The following PRSS23 variants were observed in gnomAD, a reference collection of about 807,000 sequenced individuals.
The protein encoded by PRSS23 is serine protease 23.
A neutral mutation model predicts 34.7 loss-of-function variants in PRSS23; 25 were observed. The observed-to-expected ratio is 0.72, with a 90% CI of 0.53 to 1.01. The LOEUF is 1.01. Among genes scored for constraint, PRSS23 ranks in the 50% least tolerant of loss-of-function variants. The pLI, the probability that PRSS23 is intolerant of heterozygous loss-of-function variation, is 0.00. For synonymous variants in PRSS23, 176 were observed against 186.6 expected (o/e 0.94, Z 0.46); for missense variants, 445 against 475.6 (o/e 0.94, Z 0.60).
At chr11:86,854,768 G>T (rs1394996235) in intron 2 of PRSS23, among the ~76,000 whole-genome samples, 1 of 152,212 alleles carries the variant, frequency 6.6e-6, no homozygotes, top group Non-Finnish European at 1.5e-5. Flanking sequence ...TGAAAAGTAT[G>T]CTTTTCCACC....
chr11:86,870,893 T>C (rs1244330434), intron 2 of PRSS23, among the ~76,000 whole-genome samples: 3 of 152,246 alleles, frequency 2.0e-5, no homozygotes, highest in East Asian at 3.8e-4. Flanking sequence ...TCTGCAATCA[T>C]TCTGTCCACC....
At chr11:86,844,711 G>A (rs1400343331) in intron 2 of PRSS23, among the ~76,000 whole-genome samples, 1 of 152,184 alleles carries the variant, frequency 6.6e-6, no homozygotes, top group Non-Finnish European at 1.5e-5. Flanking sequence ...CCCACGTCAT[G>A]ACATAGAAAC....
At chr11:86,813,515 A>G (rs1047705688), downstream of PRSS23, among the ~76,000 whole-genome samples, 4 of 152,210 alleles carry the variant, frequency 2.6e-5, no homozygotes, top group African/African-American at 9.7e-5. Context: ...GACTTTAAGT[A>G]GGAGCCCTGG....
At chr11:86,870,631 A>G (rs1948678771) in intron 2 of PRSS23, among the ~76,000 whole-genome samples, 1 of 152,182 alleles carries the variant, frequency 6.6e-6, no homozygotes, top group African/African-American at 2.4e-5. Flanking sequence ...CCAATTACAT[A>G]TACCTTATAT....
chr11:86,808,255 A>G lies in PRSS23; in HGVS notation c.612A>G (p.Arg204=). Residue 204 remains arginine, a synonymous_variant, in exon 2 of 2, where the codon CGA becomes CGG. Transcript: ENST00000280258. Reference sequence around the variant, plus strand: ...AGCCCAAGTTTAAAGATGGTGGTCGAGGGGCCAACGACTCCACTTCAGCCA... The same window carrying G: ...AGCCCAAGTTTAAAGATGGTGGTCGGGGGGCCAACGACTCCACTTCAGCCA... The part of the protein sequence containing the change: ...FLKPKFKDGG[R]GANDSTSAMP... 6.2e-7 allele frequency: 1 copy of G among 1,614,042 alleles called. No homozygotes were observed. Among genetic ancestry groups the G allele is most frequent in the Non-Finnish European group, 8.5e-7 (1 of 1,180,018 alleles).
chr11:86,948,993 G>T (rs1174218425), intron 2 of PRSS23: 1 of 152,624 alleles, frequency 6.6e-6, no homozygotes, highest in African/African-American at 2.4e-5. Context: ...TATGGGAACT[G>T]TCTACAAGCA....
intron 2 of PRSS23, among the ~76,000 whole-genome samples, chr11:86,939,432 T>TTTTTAA (rs1555084024): frequency 4.5e-5 from 5 of 111,616 alleles, no homozygotes; most frequent in South Asian, 2.5e-4. Context: ...ATATATTTTT[T>TTTTTAA]AACATGAGTA....
In PRSS23 at chr11:86,866,506, T is replaced by C. The variant is rs374077198; in HGVS notation, c.206+42913T>C. 3.9e-4 allele frequency among the ~76,000 whole-genome samples: 59 copies of C among 152,354 alleles called. No homozygotes were observed. The East Asian group carries it at 8.9e-3, about 23-fold the overall frequency. On this transcript the variant is annotated intron_variant, in intron 2 of 2. Transcript: ENST00000533902. ...TCATTTATTTAAAATCCATTCATCA[T>C]CTATTCATTCATGAATCAACTTTTC...
intron 2 of PRSS23, among the ~76,000 whole-genome samples, chr11:86,870,331 G>A (rs561011808): frequency 6.6e-6 from 1 of 152,124 alleles, no homozygotes; most frequent in African/African-American, 2.4e-5. Flanking sequence ...ACATCCTGTC[G>A]TATTTATTGG....
intron 2 of PRSS23, among the ~76,000 whole-genome samples, chr11:86,887,864 C>G (rs1948813994): frequency 6.6e-6 from 1 of 152,018 alleles, no homozygotes. Flanking sequence ...CCAGCCTGCC[C>G]AACACAGTGA....
At position 86,827,649 on chromosome 11, in the gene PRSS23, C is replaced by G. The variant is rs546558963; in HGVS notation, c.206+4056C>G. The stretch of plus-strand genomic sequence containing the variant: ...GGCATTTAGTGCTATAAATTTCCCT[C>G]TACACACTGCTTTGAATGTGTCCCA... On this transcript the variant is annotated intron_variant, in intron 2 of 2. Transcript: ENST00000533902. Among the ~76,000 whole-genome samples the G allele has an allele frequency of 2.6e-5, 4 of 152,224 alleles. No individual in the cohort carries two copies. In the South Asian group the frequency reaches 6.2e-4, roughly 24 times the overall value.
At chr11:86,918,649 G>C (rs761786824) in intron 2 of PRSS23, among the ~76,000 whole-genome samples, 1 of 152,196 alleles carries the variant, frequency 6.6e-6, no homozygotes, top group Non-Finnish European at 1.5e-5. Context: ...TGAGAGCTGA[G>C]ATTAGTGTGT....
At chr11:86,931,627 G>A (rs11234882) in intron 2 of PRSS23, among the ~76,000 whole-genome samples, 8,487 of 152,202 alleles carry the variant, frequency 0.056, 408 homozygotes, top group African/African-American at 0.13. Flanking sequence ...TGGGGCGATG[G>A]AAATATTGTA....
intron 2 of PRSS23, among the ~76,000 whole-genome samples, chr11:86,884,290 C>T (rs1165699578): frequency 1.3e-5 from 2 of 152,096 alleles, no homozygotes; most frequent in Non-Finnish European, 2.9e-5. Flanking sequence ...TTCTTGCACT[C>T]ATATTTGTTT....
intron 2 of PRSS23, among the ~76,000 whole-genome samples, chr11:86,941,700 G>C (rs1404918407): frequency 6.6e-6 from 1 of 152,116 alleles, no homozygotes; most frequent in East Asian, 1.9e-4. Flanking sequence ...ATTTAAAAGA[G>C]ACAACTTACA....
At chr11:86,838,850 G>A (rs768025224) in intron 2 of PRSS23, among the ~76,000 whole-genome samples, 15 of 152,224 alleles carry the variant, frequency 9.9e-5, no homozygotes, top group African/African-American at 2.6e-4. Context: ...TTCTGGAATC[G>A]ACCTCCAGTA....
chr11:86,950,022 A>T (rs147951354), intron 2 of PRSS23: 1 of 152,448 alleles, frequency 6.6e-6, no homozygotes, highest in African/African-American at 2.4e-5. Flanking sequence ...AGGCACTATC[A>T]TTCTGAGAAT....
intron 2 of PRSS23, among the ~76,000 whole-genome samples, chr11:86,939,285 G>T (rs1949185218): frequency 6.6e-6 from 1 of 151,208 alleles, no homozygotes; most frequent in Non-Finnish European, 1.5e-5. Context: ...AAGTTGTTCT[G>T]CCTGTATTCA....
At chr11:86,928,709 G>GAT in intron 2 of PRSS23, among the ~76,000 whole-genome samples, 1 of 19,670 alleles carries the variant, frequency 5.1e-5, no homozygotes, top group Non-Finnish European at 1.6e-4. Context: ...AAAAAAAATT[G>GAT]GCAAGACATA....
Sources: allele counts gnomAD v4.1 joint callset (sites outside exome capture counted in the v4.1 genomes callset), GRCh38; gene constraint gnomAD v4.1.1; transcripts MANE v1.5; gene names NCBI Gene and HGNC (gene_info 2026-07-23, HGNC 2026-07-21).